CSMD1: variants seen among roughly 807,000 people sequenced by gnomAD.
CSMD1 encodes CUB and Sushi multiple domains 1, also known as CUB and sushi domain-containing protein 1.
CSMD1 carries 213 observed loss-of-function variants against 417.5 expected under a neutral mutation model. The ratio of observed to expected loss-of-function variants is 0.51; its 90% CI spans 0.46 to 0.57. The LOEUF (loss-of-function observed/expected upper bound fraction) is 0.57. Ranked by LOEUF, CSMD1 falls within the 20% of genes least tolerant of loss-of-function variation. The probability of loss-of-function intolerance (pLI) is 0.00; values close to 1 mark genes in which losing one functional copy is unlikely to be tolerated. For synonymous variants in CSMD1, 2,862 were observed against 1,736.8 expected (o/e 1.65, Z -16.11); for missense variants, 6,923 against 4,529.7 (o/e 1.53, Z -15.17).
intron 25 of CSMD1, among the ~76,000 whole-genome samples, chr8:3,291,663 G>A (rs972117774): frequency 5.9e-5 from 9 of 152,124 alleles, no homozygotes; most frequent in African/African-American, 1.7e-4. Context: ...CTGTGGGATC[G>A]GTGGTGATAT....
chr8:4,057,050 C>T (rs1165234523), intron 3 of CSMD1, among the ~76,000 whole-genome samples: 1 of 152,160 alleles, frequency 6.6e-6, no homozygotes, highest in Admixed American at 6.5e-5. Flanking sequence ...GGTATGTACC[C>T]AGTAATGGGA....
At chr8:3,143,851 T>A (rs1354327698) in intron 40 of CSMD1, among the ~76,000 whole-genome samples, 2 of 152,178 alleles carry the variant, frequency 1.3e-5, no homozygotes, top group Non-Finnish European at 2.9e-5. Context: ...ATAAAAATAT[T>A]CACACAAACA....
At chr8:3,548,359 T>A (rs1798764623) in intron 10 of CSMD1, among the ~76,000 whole-genome samples, 1 of 152,120 alleles carries the variant, frequency 6.6e-6, no homozygotes, top group South Asian at 2.1e-4. Flanking sequence ...ATCGAGTTCT[T>A]CAGTGGTGAT....
At chr8:3,601,539 GC>G (rs2117081756) in intron 8 of CSMD1, among the ~76,000 whole-genome samples, 1 of 152,208 alleles carries the variant, frequency 6.6e-6, no homozygotes, top group Admixed American at 6.5e-5. Context: ...ATCACAGCAG[GC>G]ACTTATAAAA....
intron 1 of CSMD1, among the ~76,000 whole-genome samples, chr8:4,817,588 G>C (rs1010614713): frequency 6.6e-6 from 1 of 152,170 alleles, no homozygotes; most frequent in Non-Finnish European, 1.5e-5. Flanking sequence ...TTTTGACTTT[G>C]CTCATGCAAT....
At chr8:3,467,631 A>G (rs899825184) in intron 12 of CSMD1, among the ~76,000 whole-genome samples, 2 of 152,222 alleles carry the variant, frequency 1.3e-5, no homozygotes, top group African/African-American at 4.8e-5. Flanking sequence ...TATGCTTTGT[A>G]GATGAGGATA....
At chr8:4,113,497 C>G (rs565364566) in intron 3 of CSMD1, among the ~76,000 whole-genome samples, 51 of 147,434 alleles carry the variant, frequency 3.5e-4, no homozygotes, top group Admixed American at 8.4e-4. Flanking sequence ...CTCTGCCTCC[C>G]AGGTTCAAGC....
At chr8:3,826,629 C>A (rs1585053240) in intron 5 of CSMD1, among the ~76,000 whole-genome samples, 1 of 152,140 alleles carries the variant, frequency 6.6e-6, no homozygotes. Context: ...CTGAGTATTA[C>A]ATCTGGATTC....
chr8:4,010,009 A>G (rs924010191), intron 4 of CSMD1, among the ~76,000 whole-genome samples: 3 of 152,172 alleles, frequency 2.0e-5, no homozygotes, highest in East Asian at 1.9e-4. Context: ...AATTCTTCCT[A>G]TGCTCCTGAA....
intron 12 of CSMD1, among the ~76,000 whole-genome samples, chr8:3,465,651 G>T (rs931813530): frequency 2.6e-5 from 4 of 152,180 alleles, no homozygotes; most frequent in African/African-American, 9.6e-5. Context: ...ACACTACTCA[G>T]GCTATTCCTG....
chr8:3,494,459 G>T (rs1284348437), intron 10 of CSMD1, among the ~76,000 whole-genome samples: 1 of 152,040 alleles, frequency 6.6e-6, no homozygotes, highest in African/African-American at 2.4e-5. Flanking sequence ...GGAGAAAAAG[G>T]AAAGAAGATA....
At chr8:3,618,798 C>T (rs1036367413) in intron 7 of CSMD1, among the ~76,000 whole-genome samples, 1 of 152,158 alleles carries the variant, frequency 6.6e-6, no homozygotes, top group Non-Finnish European at 1.5e-5. Flanking sequence ...TCTTACTCTC[C>T]CTTGTTTCAT....
At chr8:4,454,552 C>T (rs938911126) in intron 2 of CSMD1, among the ~76,000 whole-genome samples, 25 of 152,220 alleles carry the variant, frequency 1.6e-4, no homozygotes, top group African/African-American at 5.8e-4. Flanking sequence ...TACAGAGCAC[C>T]TTTGCACAGA....
intron 1 of CSMD1, among the ~76,000 whole-genome samples, chr8:4,929,501 A>G: frequency 6.6e-6 from 1 of 152,220 alleles, no homozygotes; most frequent in East Asian, 1.9e-4. Flanking sequence ...TGGATATTTC[A>G]GGGAACTCCT....
intron 6 of CSMD1, among the ~76,000 whole-genome samples, chr8:3,722,652 G>A (rs1712098967): frequency 1.3e-5 from 2 of 152,178 alleles, no homozygotes; most frequent in African/African-American, 4.8e-5. Flanking sequence ...GGCATGAAAT[G>A]TGTATATTCC....
chr8:4,295,392 T>C (rs1272621299), intron 3 of CSMD1, among the ~76,000 whole-genome samples: 2 of 144,652 alleles, frequency 1.4e-5, no homozygotes, highest in Admixed American at 7.0e-5. Context: ...ACACATATAA[T>C]CTTAAGATTA....
chr8:4,643,137 G>C (rs1420276862), intron 1 of CSMD1, among the ~76,000 whole-genome samples: 1 of 152,204 alleles, frequency 6.6e-6, no homozygotes, highest in African/African-American at 2.4e-5. Flanking sequence ...TCTCATTGGA[G>C]ATAAACATCA....
chr8:4,875,214 G>C (rs2116931289), intron 1 of CSMD1, among the ~76,000 whole-genome samples: 1 of 152,004 alleles, frequency 6.6e-6, no homozygotes, highest in East Asian at 1.9e-4. Flanking sequence ...TAAAAGCTGA[G>C]AAGGAAAATA....
At chr8:3,445,047 G>C (rs969163985) in intron 12 of CSMD1, among the ~76,000 whole-genome samples, 5 of 152,122 alleles carry the variant, frequency 3.3e-5, no homozygotes, top group Non-Finnish European at 7.3e-5. Context: ...AAACACTCTG[G>C]AGATGCAATC....
Sources: gnomAD v4.1 joint callset for allele counts (sites outside exome capture counted in the v4.1 genomes callset) on GRCh38, gnomAD v4.1.1 for gene constraint, MANE v1.5 for transcripts, NCBI Gene and HGNC (gene_info 2026-07-23, HGNC 2026-07-21) for gene names.